DPP10: variants seen among roughly 807,000 people sequenced by gnomAD.
The protein encoded by DPP10 is dipeptidyl peptidase like 10, also known as inactive dipeptidyl peptidase 10.
A neutral mutation model predicts 120.9 loss-of-function variants in DPP10; 33 were observed. That is an observed-to-expected ratio of 0.27 (90% CI 0.21 to 0.37). The LOEUF (loss-of-function observed/expected upper bound fraction) is 0.37. Ranked by LOEUF, DPP10 falls within the 10% of genes least tolerant of loss-of-function variation. DPP10 has a pLI of 1.00. For missense variants in DPP10, 816 were observed against 942.8 expected, an observed-to-expected ratio of 0.87 and a Z score of 1.76; for synonymous variants, 337 against 326.1, an observed-to-expected ratio of 1.03 and a Z score of -0.36.
At chr2:115,125,900 A>G (rs2050058240) in intron 1 of DPP10, among the ~76,000 whole-genome samples, 2 of 152,134 alleles carry the variant, frequency 1.3e-5, no homozygotes, top group African/African-American at 4.8e-5. Context: ...CTTTTTAAAC[A>G]TGTATTTAAA....
chr2:114,690,559 G>T lies in DPP10; in HGVS notation c.60+247721G>T, dbSNP rs188749500. On this transcript the variant is annotated intron_variant, in intron 1 of 25. Coordinates refer to ENST00000410059, the MANE Select transcript of DPP10 (RefSeq NM_020868.6). Reference sequence around the variant, plus strand: ...TGTTCTTTTGCTTAGGATTGTCTTGGCTATTTGGGATCTTTTTGGTTCCAT... The same window carrying T: ...TGTTCTTTTGCTTAGGATTGTCTTGTCTATTTGGGATCTTTTTGGTTCCAT... Among the ~76,000 whole-genome samples, 43 of 152,082 alleles carry T rather than the reference G, an allele frequency of 2.8e-4. 1 individual carries two copies. In the East Asian group the frequency reaches 7.2e-3, roughly 25 times the overall value.
chr2:114,683,217 G>A (rs1255714164), intron 1 of DPP10, among the ~76,000 whole-genome samples: 1 of 151,872 alleles, frequency 6.6e-6, no homozygotes, highest in African/African-American at 2.4e-5. Flanking sequence ...TCAATGTATG[G>A]TAAATTCTTT....
chr2:115,421,239 A>G (rs762858467), intron 3 of DPP10, among the ~76,000 whole-genome samples: 8 of 152,186 alleles, frequency 5.3e-5, no homozygotes, highest in Non-Finnish European at 1.2e-4. Context: ...CTAGGTCCAG[A>G]AATATACAAA....
At position 114,465,045 on chromosome 2, in the gene DPP10, G is replaced by A. The variant is rs375132624; in HGVS notation, c.60+22207G>A. On this transcript the variant is annotated intron_variant, in intron 1 of 25. Transcript: ENST00000410059. ...CATCTTAACACCTGAGCATGCCCAG[G>A]ACTGGAGGGGAACTATTGCGTTCTG... Among the ~76,000 whole-genome samples, 52 of 152,242 alleles carry A rather than the reference G, an allele frequency of 3.4e-4. No individual in the cohort carries two copies. The South Asian group carries it at 9.8e-3, about 29-fold the overall frequency.
At chr2:114,457,911 A>G (rs758486945) in intron 1 of DPP10, among the ~76,000 whole-genome samples, 1 of 152,132 alleles carries the variant, frequency 6.6e-6, no homozygotes, top group Non-Finnish European at 1.5e-5. Flanking sequence ...ATGTTCTCTG[A>G]ATTATTCCTC....
At chr2:115,635,891 A>C (rs1453415323) in intron 5 of DPP10, among the ~76,000 whole-genome samples, 3 of 152,218 alleles carry the variant, frequency 2.0e-5, no homozygotes, top group Admixed American at 6.5e-5. Context: ...ACATTCTAAA[A>C]TCATTGGGCA....
chr2:114,464,205 C>T (rs1558781099), intron 1 of DPP10, among the ~76,000 whole-genome samples: 1 of 152,166 alleles, frequency 6.6e-6, no homozygotes, highest in Non-Finnish European at 1.5e-5. Context: ...TTCGAAGTGG[C>T]TATACCATTT....
intron 3 of DPP10, among the ~76,000 whole-genome samples, chr2:115,431,218 C>G (rs1359885380): frequency 2.0e-5 from 3 of 152,156 alleles, no homozygotes; most frequent in African/African-American, 7.2e-5. Flanking sequence ...TGAAAACAGT[C>G]ATGAGAGGCT....
At chr2:114,667,820 AG>A (rs1397069325) in intron 1 of DPP10, among the ~76,000 whole-genome samples, 3 of 152,194 alleles carry the variant, frequency 2.0e-5, no homozygotes, top group African/African-American at 7.2e-5. Context: ...GGCTTGTAGA[AG>A]TTAGGTAAGT....
chr2:115,060,366 G>GTGGAA (rs1328559860), intron 1 of DPP10, among the ~76,000 whole-genome samples: 1 of 152,120 alleles, frequency 6.6e-6, no homozygotes, highest in East Asian at 1.9e-4. Flanking sequence ...GCCGAGGCAG[G>GTGGAA]TGGATCACTT....
intron 7 of DPP10, among the ~76,000 whole-genome samples, chr2:115,726,850 G>A (rs766134400): frequency 2.0e-5 from 3 of 152,044 alleles, no homozygotes; most frequent in Non-Finnish European, 4.4e-5. Context: ...TTGCTACTGT[G>A]TGTTAATTCT....
chr2:115,836,339 C>A, intron 22 of DPP10, 83 bp downstream of exon 22: 1 of 1,401,834 alleles, frequency 7.1e-7, no homozygotes, highest in South Asian at 1.3e-5. Context: ...CTCAATTGAG[C>A]TCATTTATCA....
chr2:115,359,650 T>C (rs2106344941), intron 3 of DPP10, among the ~76,000 whole-genome samples: 1 of 152,286 alleles, frequency 6.6e-6, no homozygotes, highest in Admixed American at 6.5e-5. Context: ...CTTGAATTTG[T>C]GAGTTGACCT....
intron 1 of DPP10, among the ~76,000 whole-genome samples, chr2:115,046,274 C>A (rs1315240341): frequency 6.6e-6 from 1 of 152,124 alleles, no homozygotes; most frequent in Non-Finnish European, 1.5e-5. Context: ...GTAGCAATGA[C>A]AAGGACAAAG....
At chr2:114,490,807 C>T (rs7588484) in intron 1 of DPP10, among the ~76,000 whole-genome samples, 6,310 of 152,030 alleles carry the variant, frequency 0.042, 224 homozygotes, top group Middle Eastern at 0.092. Context: ...GTAATGTGAA[C>T]TCAGAAAACT....
chr2:115,750,314 G>A, intron 10 of DPP10: 1 of 538,890 alleles, frequency 1.9e-6, no homozygotes, highest in Non-Finnish European at 2.4e-6. Flanking sequence ...GGAAAGAAAG[G>A]ATATAGGAAG....
At chr2:115,476,899 T>C (rs1297770235) in intron 3 of DPP10, among the ~76,000 whole-genome samples, 1 of 151,654 alleles carries the variant, frequency 6.6e-6, no homozygotes, top group Non-Finnish European at 1.5e-5. Flanking sequence ...ATTAACAGAA[T>C]GAAAGATAAA....
intron 1 of DPP10, among the ~76,000 whole-genome samples, chr2:114,969,839 A>G (rs1380253782): frequency 1.3e-5 from 2 of 152,198 alleles, no homozygotes; most frequent in Admixed American, 6.5e-5. Flanking sequence ...CTGTTTCAAT[A>G]GAGAAGAAAG....
chr2:114,852,043 A>T (rs1249342671), intron 1 of DPP10, among the ~76,000 whole-genome samples: 1 of 151,884 alleles, frequency 6.6e-6, no homozygotes, highest in African/African-American at 2.4e-5. Context: ...CATGATCTGA[A>T]TACAACTCAC....
Sources: allele counts gnomAD v4.1 joint callset (sites outside exome capture counted in the v4.1 genomes callset), GRCh38; gene constraint gnomAD v4.1.1; transcripts MANE v1.5; gene names NCBI Gene and HGNC (gene_info 2026-07-23, HGNC 2026-07-21).